Variants in TRERF1 observed in about 807,000 individuals in gnomAD.
The protein encoded by TRERF1 is transcriptional regulating factor 1.
Under a neutral mutation model 122.9 loss-of-function variants are expected in TRERF1, and 27 were observed. The observed-to-expected ratio is 0.22, with a 90% CI of 0.16 to 0.30. The LOEUF (loss-of-function observed/expected upper bound fraction) is 0.30, where lower values mean the gene tolerates loss of function less well. TRERF1 is among the 10% of genes least tolerant of loss of function. The pLI, the probability that TRERF1 is intolerant of heterozygous loss-of-function variation, is 1.00. For synonymous variants in TRERF1, 636 were observed against 641.7 expected, an observed-to-expected ratio of 0.99 and a Z score of 0.13; for missense variants, 1,248 against 1,560.3, an observed-to-expected ratio of 0.80 and a Z score of 3.37.
chr6:42,412,824 T>C (rs1052292962), intron 2 of TRERF1, among the ~76,000 whole-genome samples: 1 of 152,082 alleles, frequency 6.6e-6, no homozygotes, highest in African/African-American at 2.4e-5. Context: ...CATGTGTCTG[T>C]CATCCCAGCT....
At chr6:42,262,905 T>A (rs898732585) in intron 8 of TRERF1, among the ~76,000 whole-genome samples, 2 of 152,170 alleles carry the variant, frequency 1.3e-5, no homozygotes, top group Non-Finnish European at 2.9e-5. Flanking sequence ...GGTCTGGAGA[T>A]CCTGGGGAAG....
At chr6:42,376,536 CTTTTTT>C (rs781389630) in intron 2 of TRERF1, among the ~76,000 whole-genome samples, 1 of 96,304 alleles carries the variant, frequency 1.0e-5, no homozygotes, top group African/African-American at 4.5e-5. Flanking sequence ...TCGTCTAATT[CTTTTTT>C]TTTTTTTTTT....
rs1368799847 is a variant in TRERF1, at chr6:42,317,285, G to A, written c.-370-16536C>T. On this transcript the variant is annotated intron_variant, in intron 3 of 17. Transcript: ENST00000372922. The stretch of plus-strand genomic sequence containing the variant: ...CAGTGAATTGGTTTTGTCTGTGCAG[G>A]AGGAAGGAAGAACCTGTTGGGTAAT... Among the ~76,000 whole-genome samples the A allele has an allele frequency of 3.9e-5, 6 of 152,162 alleles. No individual in the cohort carries two copies. In the East Asian group the frequency reaches 1.2e-3, roughly 29 times the overall value.
intron 1 of TRERF1, among the ~76,000 whole-genome samples, 70 bp downstream of exon 1, chr6:42,451,604 T>TC (rs904082879): frequency 2.3e-5 from 1 of 43,732 alleles, no homozygotes; most frequent in African/African-American, 9.2e-5. Context: ...TGCTCCCCCC[T>TC]CCCCCCTTCT....
chr6:42,284,801 C>G (rs1244908278), intron 4 of TRERF1, among the ~76,000 whole-genome samples: 1 of 152,158 alleles, frequency 6.6e-6, no homozygotes, highest in Non-Finnish European at 1.5e-5. Context: ...TGCTAGATGT[C>G]TCTGAACTAT....
At chr6:42,312,397 T>C (rs768971731) in intron 3 of TRERF1, among the ~76,000 whole-genome samples, 4 of 152,248 alleles carry the variant, frequency 2.6e-5, no homozygotes, top group South Asian at 2.1e-4. Context: ...GCCCCTACTT[T>C]AGAGTTTCCG....
intron 4 of TRERF1, among the ~76,000 whole-genome samples, chr6:42,277,905 G>GAAGAAGAAGAA (rs1321566764): frequency 3.8e-4 from 32 of 85,074 alleles, no homozygotes; most frequent in Non-Finnish European, 5.1e-4. Flanking sequence ...GAAGGAAGAA[G>GAAGAAGAAGAA]GAAGAAGAAG....
intron 2 of TRERF1, among the ~76,000 whole-genome samples, chr6:42,429,877 G>A (rs1784221575): frequency 6.6e-6 from 1 of 152,164 alleles, no homozygotes; most frequent in Admixed American, 6.5e-5. Flanking sequence ...GGTCATTCGG[G>A]CGAAGGTGTG....
chr6:42,333,700 C>A (rs1765630672), intron 3 of TRERF1, among the ~76,000 whole-genome samples: 1 of 152,186 alleles, frequency 6.6e-6, no homozygotes, highest in South Asian at 2.1e-4. Flanking sequence ...AAAAGGGGCC[C>A]CATGACTAAC....
intron 8 of TRERF1, among the ~76,000 whole-genome samples, chr6:42,260,934 G>T (rs1360938714): frequency 6.6e-6 from 1 of 152,078 alleles, no homozygotes; most frequent in East Asian, 1.9e-4. Flanking sequence ...TCTAGGAGAG[G>T]AGTCTAGGGA....
At chr6:42,420,609 T>C (rs1782624537) in intron 2 of TRERF1, among the ~76,000 whole-genome samples, 1 of 152,250 alleles carries the variant, frequency 6.6e-6, no homozygotes, top group Admixed American at 6.5e-5. Context: ...TTATTTTTAA[T>C]AACTTTTAAA....
intron 12 of TRERF1, among the ~76,000 whole-genome samples, chr6:42,256,195 G>T (rs1242829293): frequency 1.3e-5 from 2 of 151,940 alleles, no homozygotes; most frequent in Non-Finnish European, 1.5e-5. Context: ...CTGATTTTGG[G>T]AAGACAGCAC....
At chr6:42,408,004 G>T (rs758467566) in intron 2 of TRERF1, among the ~76,000 whole-genome samples, 25 of 151,574 alleles carry the variant, frequency 1.6e-4, no homozygotes, top group Admixed American at 3.3e-4. Context: ...AAAGAAAAAA[G>T]AAAGTGAAAC....
At chr6:42,424,949 G>A (rs1186587114) in intron 2 of TRERF1, among the ~76,000 whole-genome samples, 1 of 152,198 alleles carries the variant, frequency 6.6e-6, no homozygotes, top group Non-Finnish European at 1.5e-5. Context: ...CTGTGTATCT[G>A]TTGAATTAAT....
chr6:42,408,832 T>C (rs552012459), intron 2 of TRERF1, among the ~76,000 whole-genome samples: 1 of 152,336 alleles, frequency 6.6e-6, no homozygotes, highest in African/African-American at 2.4e-5. Flanking sequence ...TTTTAAGAGT[T>C]TGTAAAACTA....
At position 42,269,569 on chromosome 6, in the gene TRERF1, T is replaced by C; in HGVS notation, c.22A>G (p.Lys8Glu). 1.2e-6 allele frequency: 2 copies of C among 1,614,098 alleles called. No individual in the cohort carries two copies. The highest frequency in any genetic ancestry group is 1.7e-4 in the Middle Eastern group (1 of 6,050). The change falls in exon 5 of 18, where the codon AAG (lysine) becomes GAG (glutamate). Residue 8 changes from lysine (K) to glutamate (E), a missense_variant. Coordinates refer to ENST00000372922, the Ensembl canonical transcript of TRERF1. This position sits in a 1 kb window ranked among gnomAD's most constrained non-coding sequence, Gnocchi z 4.9. ...CTACCATGGGCCACATGGTTGGTCT[T>C]GTACAGTTGCTGGTCACCCATGCTG...
intron 13 of TRERF1, among the ~76,000 whole-genome samples, chr6:42,249,039 G>GTCAGA (rs1775281769): frequency 6.6e-6 from 1 of 152,204 alleles, no homozygotes; most frequent in South Asian, 2.1e-4. Flanking sequence ...GGTAAGAGGA[G>GTCAGA]TCAGAAAGAT....
At chr6:42,433,802 G>C (rs746808883) in intron 2 of TRERF1, among the ~76,000 whole-genome samples, 1 of 152,104 alleles carries the variant, frequency 6.6e-6, no homozygotes, top group Non-Finnish European at 1.5e-5. Flanking sequence ...AGGATCACTT[G>C]AGGTCAGGAG....
Position 42,259,213 on chromosome 6 carries a change from G to A in TRERF1, c.2269+126C>T. On this transcript the variant is annotated intron_variant, in intron 9 of 17. Transcript: ENST00000372922. The surrounding 1 kb of genome is among the most constrained non-coding windows in gnomAD (Gnocchi z 4.9). Reference sequence around the variant, plus strand: ...CAAGTCTTTCTTAACACCCAGCAGCGCGTGCTACATACAGCCAATACTCCG... The same window carrying A: ...CAAGTCTTTCTTAACACCCAGCAGCACGTGCTACATACAGCCAATACTCCG... The A allele has an allele frequency of 7.9e-7, 1 of 1,265,548 alleles. No homozygotes were observed. The highest frequency in any genetic ancestry group is 1.0e-6 in the Non-Finnish European group (1 of 960,562). The allele number at this position is 1,265,548 out of a possible 1,614,324, so 78.4% of individuals were successfully genotyped here.
Sources: gnomAD v4.1 joint callset for allele counts (sites outside exome capture counted in the v4.1 genomes callset) on GRCh38, gnomAD v4.1.1 for gene constraint, Gnocchi (gnomAD v3.1) non-coding constraint, MANE v1.5 for transcripts, NCBI Gene and HGNC (gene_info 2026-07-23, HGNC 2026-07-21) for gene names.